CSMD3: variants seen among roughly 807,000 people sequenced by gnomAD.
CSMD3 encodes CUB and Sushi multiple domains 3.
A neutral mutation model predicts 435.2 loss-of-function variants in CSMD3; 177 were observed. The ratio of observed to expected loss-of-function variants is 0.41; its 90% CI spans 0.36 to 0.46. CSMD3 has a LOEUF of 0.46. Ranked by LOEUF, CSMD3 falls within the 20% of genes least tolerant of loss-of-function variation. CSMD3 has a pLI of 0.34. For synonymous variants in CSMD3, 1,656 were observed against 1,520.5 expected (o/e 1.09, Z -2.07); for missense variants, 4,265 against 4,504.6 (o/e 0.95, Z 1.52).
intron 1 of CSMD3, among the ~76,000 whole-genome samples, chr8:113,360,018 G>T (rs927329967): frequency 6.6e-6 from 1 of 152,164 alleles, no homozygotes. Flanking sequence ...CACACATTGA[G>T]GAGAGGGTTT....
At chr8:112,673,162 A>C (rs959635026) in intron 16 of CSMD3, among the ~76,000 whole-genome samples, 1 of 151,742 alleles carries the variant, frequency 6.6e-6, no homozygotes, top group Non-Finnish European at 1.5e-5. Flanking sequence ...TGACAGTTCC[A>C]TTTTGTTCCT....
chr8:112,500,659 T>A lies in CSMD3; in HGVS notation c.5083+3131A>T, dbSNP rs546922588. On this transcript the variant is annotated intron_variant, in intron 30 of 70. Transcript: ENST00000297405. ...GCAGATAGTAAGGTTTTCCTTTTAA[T>A]GAAAAGGAGCCATCATATCACTTTC... Among the ~76,000 whole-genome samples the A allele has an allele frequency of 1.8e-3, 280 of 152,278 alleles. 5 individuals carry two copies. The South Asian group carries it at 0.027, about 15-fold the overall frequency.
At chr8:112,304,582 A>T in intron 52 of CSMD3, 139 bp downstream of exon 52, 1 of 687,130 alleles carries the variant, frequency 1.5e-6, no homozygotes, top group South Asian at 1.8e-5. Flanking sequence ...TAGAAAATTT[A>T]AAAACGTAAC....
intron 13 of CSMD3, among the ~76,000 whole-genome samples, chr8:112,738,422 A>G (rs1246836533): frequency 6.6e-6 from 1 of 151,812 alleles, no homozygotes; most frequent in Non-Finnish European, 1.5e-5. Flanking sequence ...TATTTATATA[A>G]TAATTATTAT....
intron 5 of CSMD3, among the ~76,000 whole-genome samples, chr8:113,088,972 C>T (rs1474622464): frequency 6.6e-6 from 1 of 152,106 alleles, no homozygotes. Context: ...GAACATTAAA[C>T]ACATATTTTT....
intron 13 of CSMD3, among the ~76,000 whole-genome samples, chr8:112,763,601 A>C (rs567246286): frequency 3.8e-4 from 56 of 148,002 alleles, no homozygotes; most frequent in Admixed American, 8.3e-4. Flanking sequence ...CTAGATAAAA[A>C]ATAAGAGCTT....
At chr8:112,279,297 C>T (rs1818401354) in intron 59 of CSMD3, among the ~76,000 whole-genome samples, 1 of 152,096 alleles carries the variant, frequency 6.6e-6, no homozygotes, top group African/African-American at 2.4e-5. Context: ...GGAGATACCA[C>T]TGAATGTACA....
intron 3 of CSMD3, among the ~76,000 whole-genome samples, chr8:113,183,398 C>G (rs1047082478): frequency 6.6e-6 from 1 of 151,684 alleles, no homozygotes; most frequent in Non-Finnish European, 1.5e-5. Flanking sequence ...TTTTTGGTGC[C>G]AAGGAACACT....
intron 4 of CSMD3, among the ~76,000 whole-genome samples, chr8:113,154,827 T>C (rs1223995447): frequency 6.6e-6 from 1 of 152,040 alleles, no homozygotes; most frequent in African/African-American, 2.4e-5. Context: ...GTGCAATATT[T>C]GTCATATCCT....
chr8:113,025,052 T>C lies in CSMD3; in HGVS notation c.918-5873A>G, dbSNP rs370131088. 8.5e-5 allele frequency among the ~76,000 whole-genome samples: 13 copies of C among 152,214 alleles called. No homozygotes were observed. In the South Asian group the frequency reaches 2.5e-3, roughly 29 times the overall value. ...GTTCCCTCCATGTTCCTGAAAAATATATTATTTCTTTTTTTTTAAGGCTGA... is the reference window on the plus strand; with the variant it reads ...GTTCCCTCCATGTTCCTGAAAAATACATTATTTCTTTTTTTTTAAGGCTGA... On this transcript the variant is annotated intron_variant, in intron 5 of 70. Coordinates refer to ENST00000297405, the MANE Select transcript of CSMD3 (RefSeq NM_198123.2).
Position 112,259,093 on chromosome 8 carries a change from G to A in CSMD3, c.9863-3666C>T, listed in dbSNP as rs541646304. ...TTTGACCCAGCAATCCCATTACTGG[G>A]TATATACCCAAAGGATTATAAATCA... On this transcript the variant is annotated intron_variant, in intron 61 of 70. Transcript: ENST00000297405. 3.3e-5 allele frequency among the ~76,000 whole-genome samples: 5 copies of A among 152,108 alleles called. No individual in the cohort carries two copies. In the South Asian group the frequency reaches 8.3e-4, roughly 25 times the overall value.
At chr8:113,282,723 G>GA (rs1485783461) in intron 2 of CSMD3, among the ~76,000 whole-genome samples, 2 of 151,652 alleles carry the variant, frequency 1.3e-5, no homozygotes, top group African/African-American at 4.8e-5. Flanking sequence ...CACAGAATTA[G>GA]AAAAAAACAA....
intron 3 of CSMD3, among the ~76,000 whole-genome samples, chr8:113,276,132 AAAT>A (rs1305982307): frequency 1.3e-5 from 2 of 152,122 alleles, no homozygotes; most frequent in Non-Finnish European, 2.9e-5. Flanking sequence ...CTTAAGCATG[AAAT>A]TGTAGGCCAA....
At chr8:112,997,022 G>T (rs2085678494) in intron 6 of CSMD3, among the ~76,000 whole-genome samples, 1 of 151,380 alleles carries the variant, frequency 6.6e-6, no homozygotes, top group African/African-American at 2.4e-5. Flanking sequence ...ACTTTTCAGG[G>T]TACTGATTAG....
Position 112,572,168 on chromosome 8 carries a change from C to A in CSMD3, c.4042+1333G>T, listed in dbSNP as rs184558469. Among the ~76,000 whole-genome samples the A allele has an allele frequency of 2.0e-3, 297 of 152,132 alleles. 1 individual carries two copies. Among genetic ancestry groups the A allele is most frequent in the African/African-American group, 5.8e-3 (241 of 41,516 alleles). On this transcript the variant is annotated intron_variant, in intron 24 of 70. Coordinates refer to ENST00000297405, the MANE Select transcript of CSMD3 (RefSeq NM_198123.2). ...ATATTGATATTGCTCAATATCATTA[C>A]TTTTAGTCCATCACATAACAATACT... is the stretch of plus-strand genomic sequence containing the variant.
chr8:112,973,750 A>G (rs997128020), intron 7 of CSMD3, among the ~76,000 whole-genome samples: 17 of 151,838 alleles, frequency 1.1e-4, no homozygotes, highest in South Asian at 2.1e-4. Flanking sequence ...ATTTTTGCCC[A>G]TAATATTAAG....
Position 112,979,275 on chromosome 8 carries a change from G to T in CSMD3, c.1031-3127C>A, listed in dbSNP as rs184028143. Among the ~76,000 whole-genome samples, 63 of 151,854 alleles carry T rather than the reference G, an allele frequency of 4.1e-4. No individual in the cohort carries two copies. The East Asian group carries it at 8.3e-3, about 20-fold the overall frequency. ...TATAAATGCATCTAAACTTAGATAT[G>T]TTTGATACATATAGTGGAACTATAA... On this transcript the variant is annotated intron_variant, in intron 6 of 70. Coordinates refer to ENST00000297405, the MANE Select transcript of CSMD3 (RefSeq NM_198123.2).
rs537545118 is a variant in CSMD3 at position 112,644,593 on chromosome 8, G to A, written c.3310+516C>T. ...TGCAGAGTGCAATTTTACACTCTAT[G>A]TGAGACATATCTATAGCTCTGTACT... On this transcript the variant is annotated intron_variant, in intron 20 of 70. Transcript: ENST00000297405. Among the ~76,000 whole-genome samples the A allele has an allele frequency of 2.0e-4, 31 of 152,136 alleles. No individual in the cohort carries two copies. The East Asian group carries it at 5.8e-3, about 28-fold the overall frequency.
At chr8:112,942,246 A>C (rs949912019) in intron 9 of CSMD3, among the ~76,000 whole-genome samples, 5 of 151,684 alleles carry the variant, frequency 3.3e-5, no homozygotes, top group Non-Finnish European at 7.4e-5. Flanking sequence ...AAAAAAAAAA[A>C]AAAAAACTGT....
Sources: allele counts gnomAD v4.1 joint callset (sites outside exome capture counted in the v4.1 genomes callset), GRCh38; gene constraint gnomAD v4.1.1; transcripts MANE v1.5; gene names NCBI Gene and HGNC (gene_info 2026-07-23, HGNC 2026-07-21).